UBR4: variants seen among roughly 807,000 people sequenced by gnomAD.
UBR4 encodes the protein ubiquitin protein ligase E3 component n-recognin 4, also known as E3 ubiquitin-protein ligase UBR4.
A neutral mutation model predicts 575.6 loss-of-function variants in UBR4; 124 were observed. The observed-to-expected ratio is 0.22, with a 90% CI of 0.19 to 0.25. The LOEUF (loss-of-function observed/expected upper bound fraction) is 0.25, where lower values mean the gene tolerates loss of function less well. Ranked by LOEUF, UBR4 falls within the 10% of genes least tolerant of loss-of-function variation. The pLI is 1.00. For missense variants in UBR4, 4,818 were observed against 6,478.8 expected, an observed-to-expected ratio of 0.74 and a Z score of 8.80; for synonymous variants, 2,455 against 2,473.7, an observed-to-expected ratio of 0.99 and a Z score of 0.22.
At chr1:19,135,411 G>C (rs1163872143) in intron 60 of UBR4, among the ~76,000 whole-genome samples, 2 of 152,144 alleles carry the variant, frequency 1.3e-5, no homozygotes, top group Non-Finnish European at 2.9e-5. Flanking sequence ...GTATCAACTT[G>C]TCAATTTTAA....
chr1:19,167,996 G>C, intron 28 of UBR4, 31 bp downstream of exon 28: 1 of 1,578,296 alleles, frequency 6.3e-7, no homozygotes, highest in Non-Finnish European at 8.6e-7. Context: ...TACAGACATA[G>C]AGTCCTTGGG....
chr1:19,105,639 C>T (rs922399457), intron 84 of UBR4, 94 bp downstream of exon 84: 42 of 943,354 alleles, frequency 4.5e-5, no homozygotes, highest in Non-Finnish European at 6.0e-5. Context: ...CAGAGGTGTG[C>T]CTCTCATTAC....
chr1:19,097,134 G>T, intron 91 of UBR4, 59 bp downstream of exon 91: 1 of 1,460,226 alleles, frequency 6.8e-7, no homozygotes, highest in Non-Finnish European at 9.3e-7. Flanking sequence ...CTAAGTCCTG[G>T]GACGTGAGCC....
In UBR4 at chr1:19,146,872, G is replaced by A. The variant is rs2084946163; in HGVS notation, c.7758C>T (p.Asn2586=). 1.2e-6 allele frequency: 2 copies of A among 1,614,186 alleles called. No homozygotes were observed. The highest frequency in any genetic ancestry group is 1.7e-6 in the Non-Finnish European group (2 of 1,180,000). Residue 2586 remains asparagine (N), a synonymous_variant, in exon 52 of 106, where the codon AAC becomes AAT. Transcript: ENST00000375254. ...TARSIAIMRP[N]NLVHFTESKL... ...TTGACTCCGTAAAGTGGACAAGGTT[G>A]TTGGGGCGCATGATGGCAATGGAGC...
intron 86 of UBR4, 123 bp from the exon 87 acceptor site, chr1:19,104,380 G>GA: frequency 7.6e-7 from 1 of 1,318,194 alleles, no homozygotes; most frequent in Non-Finnish European, 1.0e-6. Context: ...ATGGCACAGA[G>GA]CAGGTGTTCA....
At chr1:19,158,450 T>A (rs1376647854) in intron 39 of UBR4, among the ~76,000 whole-genome samples, 1 of 151,936 alleles carries the variant, frequency 6.6e-6, no homozygotes, top group Non-Finnish European at 1.5e-5. Context: ...AAACCGTGAC[T>A]CATTTTTTTT....
intron 11 of UBR4, among the ~76,000 whole-genome samples, chr1:19,190,196 G>A (rs1236848210): frequency 6.7e-6 from 1 of 148,970 alleles, no homozygotes; most frequent in Non-Finnish European, 1.5e-5. Context: ...TGGTGGCTGA[G>A]GCACAAGAAT....
chr1:19,086,454 C>G (rs1402995269), intron 100 of UBR4, among the ~76,000 whole-genome samples, 184 bp from the exon 101 acceptor site: 2 of 152,246 alleles, frequency 1.3e-5, no homozygotes, highest in East Asian at 3.9e-4. Context: ...ACTGGCTTTG[C>G]TGACTCAGGT....
At chr1:19,159,070 A>G (rs1185463426) in intron 39 of UBR4, among the ~76,000 whole-genome samples, 1 of 152,194 alleles carries the variant, frequency 6.6e-6, no homozygotes, top group Non-Finnish European at 1.5e-5. Context: ...CGCTGGAACC[A>G]GTGAGGCGGA....
chr1:19,162,683 T>C, intron 34 of UBR4, 72 bp from the exon 35 acceptor site: 1 of 1,486,002 alleles, frequency 6.7e-7, no homozygotes, highest in Non-Finnish European at 9.0e-7. Flanking sequence ...TCTCAAGCTT[T>C]TTCAAATAAA....
At position 19,127,759 on chromosome 1, in the gene UBR4, T is replaced by C; in HGVS notation, c.9112-20A>G. On this transcript the variant is annotated intron_variant, in intron 62 of 105. Transcript: ENST00000375254. ...GACATCCTGCAGGCCAAAGCGTAAG[T>C]CCAGAAACCTCTACTTACTCGATGC... is the stretch of plus-strand genomic sequence containing the variant. 2 of 1,596,720 alleles carry C rather than the reference T, an allele frequency of 1.3e-6. No homozygotes were observed. Among genetic ancestry groups the C allele is most frequent in the Non-Finnish European group, 1.7e-6 (2 of 1,164,368 alleles).
chr1:19,169,634 A>G, intron 26 of UBR4, 102 bp from the exon 27 acceptor site: 1 of 855,016 alleles, frequency 1.2e-6, no homozygotes, highest in Non-Finnish European at 1.8e-6. Flanking sequence ...AGTACAGCCC[A>G]GGCTGTCAAA....
chr1:19,181,677 T>C (rs2151156214), intron 17 of UBR4, among the ~76,000 whole-genome samples: 1 of 152,276 alleles, frequency 6.6e-6, no homozygotes, highest in Non-Finnish European at 1.5e-5. Flanking sequence ...ATTGAACAAA[T>C]GAACCAAGAG....
chr1:19,101,912 C>A (rs1027634300), intron 87 of UBR4, among the ~76,000 whole-genome samples: 2 of 152,218 alleles, frequency 1.3e-5, no homozygotes, highest in African/African-American at 4.8e-5. Flanking sequence ...CAGGATATAA[C>A]CTCCTCAAGG....
At chr1:19,084,077 T>A (rs543493288) in intron 102 of UBR4, among the ~76,000 whole-genome samples, 5 of 152,300 alleles carry the variant, frequency 3.3e-5, no homozygotes, top group South Asian at 2.1e-4. Context: ...TGGGAAACCA[T>A]CACCTGTAAC....
In UBR4 at chr1:19,114,775, G is replaced by A. The variant is rs777090924; in HGVS notation, c.11202+36C>T. On this transcript the variant is annotated intron_variant, in intron 75 of 105. Coordinates refer to ENST00000375254, the MANE Select transcript of UBR4 (RefSeq NM_020765.3). The stretch of plus-strand genomic sequence containing the variant: ...AGGTCTGCCCAAAGTCCAGATCAAG[G>A]CCACAGCCCTGAGTCTAGGCCAGAT... The A allele has an allele frequency of 4.8e-5, 78 of 1,611,244 alleles. 1 individual carries two copies. Among genetic ancestry groups the A allele is most frequent in the Middle Eastern group, 1.7e-4 (1 of 5,720 alleles).
chr1:19,075,262 T>C (rs2075810897), intron 105 of UBR4: 3 of 298,044 alleles, frequency 1.0e-5, no homozygotes, highest in Non-Finnish European at 2.0e-5. Context: ...TGGCTCTCCC[T>C]GGCTGCAGGC....
chr1:19,088,806 T>A lies in UBR4; in HGVS notation c.14383A>T (p.Met4795Leu). 6.2e-7 allele frequency: 1 copy of A among 1,614,102 alleles called. No individual in the cohort carries two copies. Among genetic ancestry groups the A allele is most frequent in the Non-Finnish European group, 8.5e-7 (1 of 1,180,032 alleles). The change falls in exon 98 of 106, where the codon ATG becomes TTG. Residue 4795 changes from methionine (M) to leucine (L), a missense_variant. Met to Leu is a conservative substitution (Grantham distance 15). Coordinates refer to ENST00000375254, the MANE Select transcript of UBR4 (RefSeq NM_020765.3). The surrounding 1 kb of genome is among the most constrained non-coding windows in gnomAD (Gnocchi z 4.0). ...RRETRAEKKR[M>L]AMAMRQKALG... ...GCCTTCTGCCTCATTGCCATGGCCA[T>A]GCGCTTCTTCTCTGCCCGGGTCTCC...
At chr1:19,113,445 A>C (rs919922123) in intron 77 of UBR4, 10 of 524,662 alleles carry the variant, frequency 1.9e-5, no homozygotes, top group East Asian at 3.2e-5. Context: ...GCTAAAAAAA[A>C]CCCTTATCTG....
Sources: allele counts gnomAD v4.1 joint callset (sites outside exome capture counted in the v4.1 genomes callset), GRCh38; gene constraint gnomAD v4.1.1; non-coding constraint Gnocchi (gnomAD v3.1); transcripts MANE v1.5; gene names NCBI Gene and HGNC (gene_info 2026-07-23, HGNC 2026-07-21).